Variants in SHISA9 observed in about 807,000 individuals in gnomAD.
The protein encoded by SHISA9 is shisa family member 9, also known as protein shisa-9.
SHISA9 carries 13 observed loss-of-function variants against 38.0 expected under a neutral mutation model. The observed-to-expected ratio is 0.34, with a 90% CI of 0.22 to 0.54. The LOEUF is 0.54. SHISA9 is among the 20% of genes least tolerant of loss of function. The pLI, the probability that SHISA9 is intolerant of heterozygous loss-of-function variation, is 0.91. For missense variants in SHISA9, 538 were observed against 575.8 expected, an observed-to-expected ratio of 0.93 and a Z score of 0.67; for synonymous variants, 275 against 242.0, an observed-to-expected ratio of 1.14 and a Z score of -1.27.
chr16:12,956,765 A>T (rs577965421), intron 2 of SHISA9, among the ~76,000 whole-genome samples: 1 of 152,258 alleles, frequency 6.6e-6, no homozygotes, highest in African/African-American at 2.4e-5. Flanking sequence ...AAAATTACCT[A>T]TTGGGTAAAG....
intron 2 of SHISA9, among the ~76,000 whole-genome samples, chr16:12,974,215 G>A (rs914829778): frequency 6.6e-6 from 1 of 152,156 alleles, no homozygotes; most frequent in Non-Finnish European, 1.5e-5. Context: ...TGGGGAGAAA[G>A]CGTATATCTG....
At chr16:13,402,512 C>CTTTTT in the SHISA9 span, among the ~76,000 whole-genome samples, 1 of 125,290 alleles carries the variant, frequency 8.0e-6, no homozygotes, top group African/African-American at 3.1e-5. Context: ...AGAGGGTGGT[C>CTTTTT]TTTTTTTTTT....
the SHISA9 span, among the ~76,000 whole-genome samples, chr16:13,261,667 C>T: frequency 6.6e-6 from 1 of 152,196 alleles, no homozygotes; most frequent in East Asian, 1.9e-4. Context: ...AATTTTATAA[C>T]TTCAGGTAGG....
chr16:13,262,464 T>C, the SHISA9 span, among the ~76,000 whole-genome samples: 2 of 152,198 alleles, frequency 1.3e-5, no homozygotes, highest in Admixed American at 6.5e-5. Flanking sequence ...AGAAGGCTTA[T>C]CAGGTTGTAT....
chr16:12,953,828 G>A (rs2036375), intron 2 of SHISA9, among the ~76,000 whole-genome samples: 17,958 of 152,136 alleles, frequency 0.12, 1,356 homozygotes, highest in African/African-American at 0.22. Flanking sequence ...GTGGTGGAAG[G>A]CAAAGGGGAA....
chr16:13,210,238 A>G (rs1200494305), intron 3 of SHISA9, among the ~76,000 whole-genome samples: 2 of 152,156 alleles, frequency 1.3e-5, no homozygotes, highest in Non-Finnish European at 2.9e-5. Context: ...TTGCCTGCAC[A>G]TTGACATTTA....
intron 2 of SHISA9, among the ~76,000 whole-genome samples, chr16:13,028,599 T>C (rs1252582277): frequency 1.3e-5 from 2 of 152,170 alleles, no homozygotes; most frequent in Non-Finnish European, 2.9e-5. Flanking sequence ...AATTATCTCC[T>C]ACCGGGTCCC....
At chr16:13,105,833 T>C (rs778662239) in intron 2 of SHISA9, among the ~76,000 whole-genome samples, 4 of 152,206 alleles carry the variant, frequency 2.6e-5, no homozygotes, top group Non-Finnish European at 5.9e-5. Flanking sequence ...ACAGAGCTTC[T>C]AGGTTGAGGA....
At chr16:13,202,338 C>T (rs187991855) in intron 2 of SHISA9, among the ~76,000 whole-genome samples, 3 of 131,836 alleles carry the variant, frequency 2.3e-5, no homozygotes, top group Admixed American at 7.5e-5. Context: ...TATCTTCCAC[C>T]TTCCACCACA....
intron 2 of SHISA9, among the ~76,000 whole-genome samples, chr16:12,933,300 T>C (rs1448363670): frequency 6.6e-6 from 1 of 152,014 alleles, no homozygotes; most frequent in Non-Finnish European, 1.5e-5. Context: ...GTCTTTGTTG[T>C]CTTTTTTTTT....
At chr16:13,026,894 G>A (rs1016844996) in intron 2 of SHISA9, among the ~76,000 whole-genome samples, 15 of 152,138 alleles carry the variant, frequency 9.9e-5, no homozygotes, top group African/African-American at 2.7e-4. Context: ...CTTTGGCTGC[G>A]GGAAGGGAAA....
chr16:13,476,296 G>T, the SHISA9 span, among the ~76,000 whole-genome samples: 1 of 152,114 alleles, frequency 6.6e-6, no homozygotes, highest in Non-Finnish European at 1.5e-5. Context: ...TATTCATCCT[G>T]ATTGCTTCCT....
chr16:13,190,058 G>C (rs1318597984), intron 2 of SHISA9, among the ~76,000 whole-genome samples: 1 of 150,890 alleles, frequency 6.6e-6, no homozygotes, highest in East Asian at 2.0e-4. Context: ...AGTGGCTGCT[G>C]TGGGCATAAA....
intron 1 of SHISA9, among the ~76,000 whole-genome samples, chr16:12,912,416 A>G (rs1247866557): frequency 1.3e-5 from 2 of 152,134 alleles, no homozygotes; most frequent in Non-Finnish European, 2.9e-5. Flanking sequence ...TTATCCTTTC[A>G]AAAGCCTGAA....
At chr16:13,277,749 A>G in the SHISA9 span, among the ~76,000 whole-genome samples, 1 of 151,958 alleles carries the variant, frequency 6.6e-6, no homozygotes, top group Non-Finnish European at 1.5e-5. Flanking sequence ...TAGAAGAGCT[A>G]CAGATTTGTG....
chr16:13,233,852 A>C (rs1017088204), intron 4 of SHISA9, among the ~76,000 whole-genome samples: 1 of 152,090 alleles, frequency 6.6e-6, no homozygotes, highest in African/African-American at 2.4e-5. Context: ...TTCTACAAAC[A>C]AAAAAATACA....
chr16:13,509,361 G>C, the SHISA9 span, among the ~76,000 whole-genome samples: 1 of 152,120 alleles, frequency 6.6e-6, no homozygotes, highest in Non-Finnish European at 1.5e-5. Flanking sequence ...CAGAACTCTG[G>C]ACTCAGACTG....
chr16:13,459,426 T>G, the SHISA9 span, among the ~76,000 whole-genome samples: 2 of 151,540 alleles, frequency 1.3e-5, no homozygotes, highest in Admixed American at 6.6e-5. Context: ...ACAAAGGGAG[T>G]GGTATCAGTA....
chr16:13,064,439 T>C (rs1046675720), intron 2 of SHISA9, among the ~76,000 whole-genome samples: 5 of 152,126 alleles, frequency 3.3e-5, no homozygotes, highest in Admixed American at 3.3e-4. Flanking sequence ...AACCTGCACA[T>C]GTTCCCCTTG....
Sources: gnomAD v4.1 joint callset for allele counts (sites outside exome capture counted in the v4.1 genomes callset) on GRCh38, gnomAD v4.1.1 for gene constraint, MANE v1.5 for transcripts, NCBI Gene and HGNC (gene_info 2026-07-23, HGNC 2026-07-21) for gene names.